COL11A1: variants seen among roughly 807,000 people sequenced by gnomAD.
The protein encoded by COL11A1 is collagen type XI alpha 1 chain.
COL11A1 carries 74 observed loss-of-function variants against 265.2 expected under a neutral mutation model. The ratio of observed to expected loss-of-function variants is 0.28; its 90% CI spans 0.23 to 0.34. The LOEUF is 0.34. Ranked by LOEUF, COL11A1 falls within the 10% of genes least tolerant of loss-of-function variation. The pLI, the probability that COL11A1 is intolerant of heterozygous loss-of-function variation, is 1.00. For missense variants in COL11A1, 2,165 were observed against 2,263.6 expected, an observed-to-expected ratio of 0.96 and a Z score of 0.88; for synonymous variants, 816 against 727.6, an observed-to-expected ratio of 1.12 and a Z score of -1.96.
At chr1:102,990,886 A>G (rs1180763800) in intron 28 of COL11A1, among the ~76,000 whole-genome samples, 2 of 152,022 alleles carry the variant, frequency 1.3e-5, no homozygotes, top group African/African-American at 4.8e-5. Context: ...TAGAAAAATT[A>G]GCCAGGCATG....
At chr1:102,957,022 G>A (rs1660443365) in intron 41 of COL11A1, among the ~76,000 whole-genome samples, 1 of 151,796 alleles carries the variant, frequency 6.6e-6, no homozygotes, top group South Asian at 2.1e-4. Flanking sequence ...AGATGACCCT[G>A]TATAAAGCAA....
chr1:102,918,380 A>G (rs948627247), intron 49 of COL11A1, among the ~76,000 whole-genome samples: 1 of 151,994 alleles, frequency 6.6e-6, no homozygotes, highest in Admixed American at 6.6e-5. Flanking sequence ...GCAATTTTAC[A>G]GTACATGAAG....
At chr1:102,988,286 C>T (rs1295662428) in intron 29 of COL11A1, among the ~76,000 whole-genome samples, 2 of 152,108 alleles carry the variant, frequency 1.3e-5, no homozygotes, top group Non-Finnish European at 2.9e-5. Context: ...ATTGCATCCT[C>T]AACCAAGCAG....
At chr1:103,076,313 C>T (rs1033054365) in intron 3 of COL11A1, among the ~76,000 whole-genome samples, 11 of 152,116 alleles carry the variant, frequency 7.2e-5, no homozygotes, top group African/African-American at 2.7e-4. Flanking sequence ...CACAGCTAGA[C>T]TCCTAACTGG....
At chr1:103,052,377 C>T (rs1669904188) in intron 4 of COL11A1, among the ~76,000 whole-genome samples, 1 of 152,136 alleles carries the variant, frequency 6.6e-6, no homozygotes, top group African/African-American at 2.4e-5. Flanking sequence ...ACACACTAAC[C>T]CAGGTCTCCT....
intron 43 of COL11A1, among the ~76,000 whole-genome samples, chr1:102,939,423 A>C (rs932481887): frequency 8.5e-5 from 13 of 152,236 alleles, no homozygotes; most frequent in Non-Finnish European, 1.5e-4. Context: ...TTACTTTACC[A>C]GCTAGGTTCT....
chr1:103,051,589 A>T (rs1226972134), intron 4 of COL11A1, among the ~76,000 whole-genome samples: 2 of 152,156 alleles, frequency 1.3e-5, no homozygotes, highest in Non-Finnish European at 2.9e-5. Flanking sequence ...CGGCTTATGC[A>T]TGGTGCACTG....
intron 44 of COL11A1, among the ~76,000 whole-genome samples, chr1:102,937,787 A>C (rs989300728): frequency 3.3e-5 from 5 of 152,192 alleles, no homozygotes; most frequent in African/African-American, 1.2e-4. Context: ...CTGTAAGCCA[A>C]GTAACCCTAT....
intron 63 of COL11A1, 23 bp from the exon 64 acceptor site, chr1:102,883,334 T>C: frequency 6.8e-7 from 1 of 1,460,488 alleles, no homozygotes; most frequent in Non-Finnish European, 9.6e-7. Context: ...AAAAAATATG[T>C]CATATAAAAA....
intron 46 of COL11A1, among the ~76,000 whole-genome samples, chr1:102,930,911 T>C (rs955807213): frequency 9.9e-5 from 15 of 151,524 alleles, no homozygotes; most frequent in Non-Finnish European, 1.9e-4. Context: ...TGATGGTAGT[T>C]TGTATTTCTG....
intron 1 of COL11A1, among the ~76,000 whole-genome samples, chr1:103,093,948 G>A (rs1673530250): frequency 6.6e-6 from 1 of 152,100 alleles, no homozygotes; most frequent in South Asian, 2.1e-4. Context: ...AGAACATCAT[G>A]AAAGTCTGGA....
chr1:103,085,246 CATTT>C (rs1407971720), intron 1 of COL11A1, among the ~76,000 whole-genome samples: 2 of 152,176 alleles, frequency 1.3e-5, no homozygotes, highest in African/African-American at 2.4e-5. Flanking sequence ...TTCATTCATT[CATTT>C]GTTCATTCAT....
At chr1:102,993,354 A>G (rs1211655750) in intron 28 of COL11A1, among the ~76,000 whole-genome samples, 1 of 152,038 alleles carries the variant, frequency 6.6e-6, no homozygotes, top group Admixed American at 6.6e-5. Context: ...CCCCAACCCA[A>G]CTTCCTATAT....
chr1:102,944,324 G>T (rs747055715), intron 42 of COL11A1, among the ~76,000 whole-genome samples: 3 of 152,038 alleles, frequency 2.0e-5, no homozygotes, highest in Non-Finnish European at 2.9e-5. Context: ...TCCTTTCACT[G>T]AACACTCTTA....
At chr1:103,019,670 G>C (rs993143126) in intron 9 of COL11A1, among the ~76,000 whole-genome samples, 1 of 151,408 alleles carries the variant, frequency 6.6e-6, no homozygotes, top group Non-Finnish European at 1.5e-5. Flanking sequence ...CATGTGCCAT[G>C]TTGGTGTGCT....
chr1:102,996,880 C>A (rs1664681974), intron 26 of COL11A1, among the ~76,000 whole-genome samples, 200 bp downstream of exon 26: 1 of 151,792 alleles, frequency 6.6e-6, no homozygotes, highest in Non-Finnish European at 1.5e-5. Flanking sequence ...TATTCCTAGC[C>A]ATGGGAATAT....
At position 103,001,962 on chromosome 1, in the gene COL11A1, G is replaced by T. The variant is rs1238365331; in HGVS notation, c.2105C>A (p.Pro702His). 1.2e-6 allele frequency: 2 copies of T among 1,612,884 alleles called. No homozygotes were observed. Among genetic ancestry groups the T allele is most frequent in the Non-Finnish European group, 1.7e-6 (2 of 1,179,004 alleles). The change falls in exon 24 of 67, where the codon CCT (proline) becomes CAT (histidine). Residue 702 changes from proline to histidine, a missense_variant. Coordinates refer to ENST00000370096, the MANE Select transcript of COL11A1 (RefSeq NM_001854.4). ...QQGNPGPQGL[P>H]GPQGPIGPPG... ...AGGACCAATTGGACCTTGTGGACCA[G>T]GAAGACCCTATTTTAAAAGAATTTA...
intron 4 of COL11A1, among the ~76,000 whole-genome samples, chr1:103,059,328 G>T (rs1027279440): frequency 2.6e-5 from 4 of 151,932 alleles, no homozygotes; most frequent in African/African-American, 9.7e-5. Flanking sequence ...CACAGTCCAG[G>T]GCTCAGGCTC....
At chr1:102,931,493 G>A (rs149118426) in intron 46 of COL11A1, among the ~76,000 whole-genome samples, 8,290 of 152,210 alleles carry the variant, frequency 0.054, 308 homozygotes, top group Non-Finnish European at 0.079. Context: ...TACATTTGCT[G>A]AGGAGAGCTT....
Sources: allele counts gnomAD v4.1 joint callset (sites outside exome capture counted in the v4.1 genomes callset), GRCh38; gene constraint gnomAD v4.1.1; transcripts MANE v1.5; gene names NCBI Gene and HGNC (gene_info 2026-07-23, HGNC 2026-07-21).